Variants in RALY observed in about 807,000 individuals in gnomAD.
The protein encoded by RALY is RALY heterogeneous nuclear ribonucleoprotein, also known as RNA-binding protein Raly.
In RALY, 15 loss-of-function variants were observed where a neutral mutation model predicts 30.7. The observed-to-expected ratio is 0.49, with a 90% CI of 0.33 to 0.75. The LOEUF is 0.75. Ranked by LOEUF, RALY falls within the 30% of genes least tolerant of loss-of-function variation. The pLI, the probability that RALY is intolerant of heterozygous loss-of-function variation, is 0.02. For missense variants in RALY, 339 were observed against 414.3 expected (o/e 0.82, Z 1.58); for synonymous variants, 177 against 170.8 (o/e 1.04, Z -0.28).
intron 2 of RALY, among the ~76,000 whole-genome samples, chr20:34,046,576 C>T (rs985412209): frequency 2.0e-5 from 3 of 152,118 alleles, no homozygotes; most frequent in African/African-American, 2.4e-5. Context: ...TCTGTGTGAC[C>T]GGCACTTTGC....
intron 2 of RALY, among the ~76,000 whole-genome samples, chr20:34,062,922 A>G (rs2033458615): frequency 6.6e-6 from 1 of 152,202 alleles, no homozygotes; most frequent in Non-Finnish European, 1.5e-5. Flanking sequence ...TGGACTTGAG[A>G]GTATGCCTTC....
intron 1 of RALY, among the ~76,000 whole-genome samples, chr20:34,014,166 C>T (rs1273137231): frequency 1.3e-5 from 2 of 152,092 alleles, no homozygotes; most frequent in South Asian, 2.1e-4. Context: ...ATCTTGGGAA[C>T]GTGGATCTTA....
chr20:34,008,798 A>G (rs2031275730), intron 1 of RALY, among the ~76,000 whole-genome samples: 1 of 152,162 alleles, frequency 6.6e-6, no homozygotes, highest in South Asian at 2.1e-4. Context: ...AGCTGGAATG[A>G]CAGAGACATG....
At chr20:34,008,365 C>T (rs761853319) in intron 1 of RALY, among the ~76,000 whole-genome samples, 3 of 152,098 alleles carry the variant, frequency 2.0e-5, no homozygotes, top group Admixed American at 6.5e-5. Context: ...ATATATTTAG[C>T]GTTGTACTGT....
At chr20:34,011,477 A>G (rs1039371943) in intron 1 of RALY, among the ~76,000 whole-genome samples, 3 of 152,222 alleles carry the variant, frequency 2.0e-5, no homozygotes, top group African/African-American at 7.2e-5. Context: ...CCTATGAGAT[A>G]AAATACAGGT....
At chr20:34,026,759 C>A (rs1003226514) in intron 1 of RALY, among the ~76,000 whole-genome samples, 10 of 152,044 alleles carry the variant, frequency 6.6e-5, no homozygotes, top group African/African-American at 1.9e-4. Context: ...CTGCTCCCTG[C>A]CTTTGCACTC....
chr20:34,053,383 A>ATTTGTTTTTTTTTTTTTT (rs2033140129), intron 2 of RALY, among the ~76,000 whole-genome samples: 1 of 54,098 alleles, frequency 1.8e-5, no homozygotes, highest in African/African-American at 7.9e-5. Context: ...ATGTTCAATA[A>ATTTGTTTTTTTTTTTTTT]TTTTTTTTTT....
intron 2 of RALY, among the ~76,000 whole-genome samples, chr20:34,062,002 T>C (rs1204744630): frequency 6.6e-6 from 1 of 152,220 alleles, no homozygotes; most frequent in Non-Finnish European, 1.5e-5. Context: ...ACTTAATTTT[T>C]CTTATTTACC....
chr20:34,078,371 G>T lies in RALY; in HGVS notation c.877-134G>T, dbSNP rs118074770. On this transcript the variant is annotated intron_variant, in intron 8 of 9. Coordinates refer to ENST00000246194, the MANE Select transcript of RALY (RefSeq NM_016732.3). The stretch of plus-strand genomic sequence containing the variant: ...GCTGGTCCCATAGTCATTCCCCTTG[G>T]CTGTTCCTGCGTCTTCTGACTGTGT... The T allele has an allele frequency of 2.0e-4, 141 of 704,952 alleles. 1 individual carries two copies. In the East Asian group the frequency reaches 4.6e-3, roughly 23 times the overall value. The allele number at this position is 704,952 out of a possible 1,614,324, so 43.7% of individuals were successfully genotyped here.
chr20:34,013,983 GTC>G (rs2031511778), intron 1 of RALY, among the ~76,000 whole-genome samples: 2 of 152,092 alleles, frequency 1.3e-5, no homozygotes, highest in African/African-American at 4.8e-5. Context: ...TGACTTGAGG[GTC>G]TCTGTTTTGC....
At chr20:34,045,357 C>T (rs2032844381) in intron 2 of RALY, among the ~76,000 whole-genome samples, 1 of 152,082 alleles carries the variant, frequency 6.6e-6, no homozygotes, top group African/African-American at 2.4e-5. Flanking sequence ...AGATCATTAC[C>T]AGCTGAGAGA....
At chr20:34,067,816 CTTTTTTTTTTT>C (rs11480087) in intron 2 of RALY, among the ~76,000 whole-genome samples, 29 of 132,676 alleles carry the variant, frequency 2.2e-4, no homozygotes, top group African/African-American at 7.7e-4. Context: ...TTTCTTTTTT[CTTTTTTTTTTT>C]TTTTTGAGAC....
At chr20:34,076,909 C>CT in intron 7 of RALY, 94 bp downstream of exon 7, 5 of 1,588,608 alleles carry the variant, frequency 3.1e-6, no homozygotes, top group Non-Finnish European at 3.4e-6. Flanking sequence ...TAGGGTGGCC[C>CT]TGCAGATCCT....
At chr20:33,999,212 A>G (rs557515536) in intron 1 of RALY, among the ~76,000 whole-genome samples, 1 of 151,744 alleles carries the variant, frequency 6.6e-6, no homozygotes, top group South Asian at 2.1e-4. Context: ...AGGAATCGGG[A>G]TGACATCTGG....
chr20:34,051,176 C>T (rs1232950814), intron 2 of RALY, among the ~76,000 whole-genome samples: 2 of 152,126 alleles, frequency 1.3e-5, no homozygotes, highest in African/African-American at 4.8e-5. Flanking sequence ...GCTTTTGAAC[C>T]TTAGAGCAAC....
At chr20:34,043,616 T>C (rs1167095912) in intron 2 of RALY, among the ~76,000 whole-genome samples, 1 of 152,200 alleles carries the variant, frequency 6.6e-6, no homozygotes, top group East Asian at 1.9e-4. Context: ...CCCTTTTCTT[T>C]CCAGTCCTTT....
chr20:34,034,487 C>T (rs190754257), intron 2 of RALY, among the ~76,000 whole-genome samples: 87 of 152,286 alleles, frequency 5.7e-4, no homozygotes, highest in African/African-American at 1.9e-3. Flanking sequence ...CTTCCTGTAA[C>T]AACTGCCCTG....
chr20:34,007,834 A>AAC (rs2031230892), intron 1 of RALY, among the ~76,000 whole-genome samples: 1 of 151,558 alleles, frequency 6.6e-6, no homozygotes, highest in Non-Finnish European at 1.5e-5. Flanking sequence ...AAAAAAAAAA[A>AAC]AAAAAAAGTT....
intron 2 of RALY, among the ~76,000 whole-genome samples, chr20:34,054,213 T>G (rs1283328807): frequency 6.6e-6 from 1 of 152,212 alleles, no homozygotes; most frequent in Non-Finnish European, 1.5e-5. Flanking sequence ...CCACCTAGGA[T>G]TCTTTCACCT....
Sources: allele counts gnomAD v4.1 joint callset (sites outside exome capture counted in the v4.1 genomes callset), GRCh38; gene constraint gnomAD v4.1.1; transcripts MANE v1.5; gene names NCBI Gene and HGNC (gene_info 2026-07-23, HGNC 2026-07-21).